UNC80: variants seen among roughly 807,000 people sequenced by gnomAD.
The protein encoded by UNC80 is protein unc-80 homolog.
UNC80 carries 164 observed loss-of-function variants against 384.6 expected under a neutral mutation model. The observed-to-expected ratio is 0.43, with a 90% CI of 0.38 to 0.49. The LOEUF is 0.49. Among genes scored for constraint, UNC80 ranks in the 20% least tolerant of loss-of-function variants. The pLI is 0.00. For synonymous variants in UNC80, 1,486 were observed against 1,527.8 expected (o/e 0.97, Z 0.64); for missense variants, 3,330 against 4,143.0 (o/e 0.80, Z 5.39).
At chr2:209,980,671 AG>A (rs751598634) in intron 59 of UNC80, among the ~76,000 whole-genome samples, 2 of 152,346 alleles carry the variant, frequency 1.3e-5, no homozygotes, top group East Asian at 3.9e-4. Context: ...ATAAGGAAGA[AG>A]GAAGTATGAG....
intron 61 of UNC80, among the ~76,000 whole-genome samples, chr2:209,985,735 G>A (rs1423789653): frequency 6.6e-6 from 1 of 152,152 alleles, no homozygotes; most frequent in Non-Finnish European, 1.5e-5. Flanking sequence ...CATCCTTAGA[G>A]TATCTTTGTG....
chr2:209,836,687 C>T (rs954122564), intron 18 of UNC80, among the ~76,000 whole-genome samples: 6 of 152,164 alleles, frequency 3.9e-5, no homozygotes, highest in African/African-American at 1.4e-4. Context: ...CAAATGTCCC[C>T]TAGTTAGCAC....
rs1194428007 is a variant in UNC80, at chr2:209,839,484, C to G, written c.3250+54C>G. 3 of 1,536,476 alleles carry G rather than the reference C, an allele frequency of 2.0e-6. No individual in the cohort carries two copies. The Admixed American group carries it at 5.9e-5, about 30-fold the overall frequency. On this transcript the variant is annotated intron_variant, in intron 19 of 64. Coordinates refer to ENST00000673920, the MANE Select transcript of UNC80 (RefSeq NM_001371986.1). The surrounding 1 kb of genome is among the most constrained non-coding windows in gnomAD (Gnocchi z 4.1). ...ATTATCTTATTACCAACCATGTCCT[C>G]AGATCAACTCAGTGATGCATAGTAG...
intron 26 of UNC80, 80 bp downstream of exon 26, chr2:209,888,340 A>C: frequency 7.0e-7 from 1 of 1,420,108 alleles, no homozygotes; most frequent in Non-Finnish European, 9.5e-7. Flanking sequence ...CTAAACTACA[A>C]AATTGTGTAC....
At chr2:209,776,886 A>G (rs2076896504) in intron 3 of UNC80, among the ~76,000 whole-genome samples, 1 of 151,900 alleles carries the variant, frequency 6.6e-6, no homozygotes, top group Non-Finnish European at 1.5e-5. Context: ...TCTCCATCCC[A>G]TTTCCTCCCC....
chr2:209,826,039 G>C lies in UNC80; in HGVS notation c.2464G>C (p.Val822Leu). 1 of 1,548,838 alleles carries C rather than the reference G, an allele frequency of 6.5e-7. No individual in the cohort carries two copies. Among genetic ancestry groups the C allele is most frequent in the Non-Finnish European group, 8.7e-7 (1 of 1,145,844 alleles). Residue 822 changes from valine (V) to leucine (L), a missense_variant, in exon 14 of 65, where the codon GTA (valine) becomes CTA (leucine). Val to Leu is a conservative substitution (Grantham distance 32). Around this residue, in one of 8 missense-constraint regions of UNC80, gnomAD observed 937 missense variants for 1,026.8 expected, o/e 0.91. Coordinates refer to ENST00000673920, the MANE Select transcript of UNC80 (RefSeq NM_001371986.1). The stretch of plus-strand genomic sequence containing the variant: ...CTCTGGAGATCGTCTGAGACACCAG[G>C]TATTCCGAGAGAATGTAAGAGAATT... ...GLSGDRLRHQVFRENAQNCLT... is the reference protein window; with the variant it reads ...GLSGDRLRHQLFRENAQNCLT...
At chr2:209,808,328 C>A (rs867466471) in intron 7 of UNC80, among the ~76,000 whole-genome samples, 1 of 151,988 alleles carries the variant, frequency 6.6e-6, no homozygotes, top group African/African-American at 2.4e-5. Flanking sequence ...TTTGGGAAGC[C>A]GAGGCGAGTG....
intron 7 of UNC80, among the ~76,000 whole-genome samples, chr2:209,804,758 T>TTTTG (rs1559117983): frequency 2.5e-4 from 12 of 47,196 alleles, no homozygotes; most frequent in African/African-American, 1.6e-3. Flanking sequence ...GAGAGTTTTT[T>TTTTG]TTTTGTTTTG....
intron 22 of UNC80, among the ~76,000 whole-genome samples, chr2:209,854,064 G>A (rs1307613393): frequency 6.6e-6 from 1 of 152,018 alleles, no homozygotes; most frequent in African/African-American, 2.4e-5. Flanking sequence ...GTTACCATAG[G>A]TCTAATTCAC....
chr2:209,792,886 G>C (rs1205277487), intron 6 of UNC80, among the ~76,000 whole-genome samples: 1 of 152,172 alleles, frequency 6.6e-6, no homozygotes. Context: ...TTAAGGGTCA[G>C]ATTCATCTAA....
chr2:209,796,891 A>T (rs1371263696), intron 7 of UNC80, among the ~76,000 whole-genome samples: 1 of 152,220 alleles, frequency 6.6e-6, no homozygotes, highest in Admixed American at 6.5e-5. Context: ...GTAAATTTAC[A>T]GAATTGTGCA....
chr2:209,780,935 G>A (rs1272283253), intron 4 of UNC80, among the ~76,000 whole-genome samples: 1 of 152,166 alleles, frequency 6.6e-6, no homozygotes, highest in Admixed American at 6.5e-5. Context: ...TCTGCATGCT[G>A]CTGGGGAAAC....
At chr2:209,861,695 G>T (rs1250134711) in intron 22 of UNC80, among the ~76,000 whole-genome samples, 1 of 152,088 alleles carries the variant, frequency 6.6e-6, no homozygotes, top group Non-Finnish European at 1.5e-5. Context: ...GCTATTAATA[G>T]TGCTGCAATT....
intron 34 of UNC80, 101 bp from the exon 35 acceptor site, chr2:209,922,151 A>G (rs1398816766): frequency 1.5e-6 from 2 of 1,310,410 alleles, no homozygotes; most frequent in African/African-American, 1.5e-5. Context: ...TTTAAGCCTT[A>G]TGGTCTGAGA....
In UNC80 at chr2:209,817,788, G is replaced by A. The variant is rs770530785; in HGVS notation, c.1553-24G>A. ...AACTTTCAGATTTTAAAACCCTCTT[G>A]TGGGGTGCTCTTATTCATCCCAGGG... On this transcript the variant is annotated intron_variant, in intron 10 of 64. Transcript: ENST00000673920. 7 of 1,551,450 alleles carry A rather than the reference G, an allele frequency of 4.5e-6. No homozygotes were observed. The South Asian group carries it at 8.3e-5, about 18-fold the overall frequency.
chr2:209,957,550 C>A, intron 48 of UNC80, 94 bp from the exon 49 acceptor site: 1 of 1,157,190 alleles, frequency 8.6e-7, no homozygotes. Context: ...TAACTTAAAA[C>A]TTATGTGTGC....
At chr2:209,779,915 C>CCTGTA (rs1471885992) in intron 4 of UNC80, among the ~76,000 whole-genome samples, 4 of 152,162 alleles carry the variant, frequency 2.6e-5, no homozygotes, top group African/African-American at 9.7e-5. Context: ...AACAGATAAG[C>CCTGTA]CTGTATTTGA....
chr2:209,945,019 G>C, intron 45 of UNC80, 32 bp from the exon 46 acceptor site: 2 of 1,548,620 alleles, frequency 1.3e-6, no homozygotes, highest in Non-Finnish European at 1.7e-6. Flanking sequence ...TGTGGTGGGA[G>C]TCAATAAACA....
At chr2:209,953,335 T>C (rs1278292679) in intron 47 of UNC80, among the ~76,000 whole-genome samples, 1 of 148,782 alleles carries the variant, frequency 6.7e-6, no homozygotes. Context: ...GGAGAATCAC[T>C]TGAACCCAGG....
Sources: gnomAD v4.1 joint callset for allele counts (sites outside exome capture counted in the v4.1 genomes callset) on GRCh38, gnomAD v4.1.1 for gene constraint, gnomAD v4.1.1 regional missense constraint, Gnocchi (gnomAD v3.1) non-coding constraint, MANE v1.5 for transcripts, NCBI Gene and HGNC (gene_info 2026-07-23, HGNC 2026-07-21) for gene names.